Variants in PRICKLE4 observed in about 807,000 individuals in gnomAD.
The protein encoded by PRICKLE4 is prickle-like protein 4.
Under a neutral mutation model 43.5 loss-of-function variants are expected in PRICKLE4, and 40 were observed. The observed-to-expected ratio is 0.92, with a 90% CI of 0.71 to 1.20. The LOEUF (loss-of-function observed/expected upper bound fraction) is 1.20, where lower values mean the gene tolerates loss of function less well. Among genes scored for constraint, PRICKLE4 ranks in the 50% most tolerant of loss-of-function variants. PRICKLE4 has a pLI of 0.00. For missense variants in PRICKLE4, 527 were observed against 491.2 expected (o/e 1.07, Z -0.69); for synonymous variants, 208 against 197.4 (o/e 1.05, Z -0.45).
chr6:41,782,067 C>G (rs1379861428), intron 2 of PRICKLE4, among the ~76,000 whole-genome samples: 1 of 122,238 alleles, frequency 8.2e-6, no homozygotes, highest in Admixed American at 8.8e-5. Flanking sequence ...TTAATAGTCG[C>G]TTTTTTTTTT....
rs142047686 is a variant in PRICKLE4, at chr6:41,780,904, A to G, written c.-184+78A>G. The stretch of plus-strand genomic sequence containing the variant: ...CCGGGAACCCCAGCGGACTCGGGAA[A>G]CACCGCGTCCCAGCCCCGGAGGCGG... On this transcript the variant is annotated intron_variant, in intron 1 of 7. Transcript: ENST00000458694. The G allele has an allele frequency of 1.3e-3, 211 of 159,356 alleles. 4 individuals carry two copies. The East Asian group carries it at 0.037, about 28-fold the overall frequency. The allele number at this position is 159,356 out of a possible 1,614,324, so 9.9% of individuals were successfully genotyped here.
In PRICKLE4 at chr6:41,780,790, C is replaced by T. The variant is rs980986749; in HGVS notation, c.-220C>T. On this transcript the variant is annotated 5_prime_UTR_variant, in exon 1 of 8. Transcript: ENST00000458694. ...CGGGTGAGGGGCCTGACGGCAGAGT[C>T]GGTCCAGAACTGCCCGGACAGCGAC... 4.2e-5 allele frequency: 11 copies of T among 261,260 alleles called. No individual in the cohort carries two copies. Among genetic ancestry groups the T allele is most frequent in the Non-Finnish European group, 6.1e-5 (8 of 131,818 alleles). The allele number at this position is 261,260 out of a possible 1,614,324, so 16.2% of individuals were successfully genotyped here.
chr6:41,786,631 T>TTGG (rs1554141808), intron 7 of PRICKLE4, 131 bp from the exon 8 acceptor site: 25 of 1,422,228 alleles, frequency 1.8e-5, no homozygotes, highest in Middle Eastern at 1.8e-4. Context: ...GCGAGGACTC[T>TTGG]CGGCGGCGGC....
At position 41,787,289 on chromosome 6, in the gene PRICKLE4, C is replaced by T. The variant is rs564766125; in HGVS notation, c.*160C>T. ...AGTTTGGAGTGCGCCCCCTTCAGTA[C>T]TGCGCGTTCTAAGACTTTTGGCGGA... On this transcript the variant is annotated 3_prime_UTR_variant, in exon 8 of 8. Transcript: ENST00000458694. The T allele has an allele frequency of 4.0e-5, 42 of 1,044,366 alleles. No homozygotes were observed. The African/African-American group carries it at 6.1e-4, about 15-fold the overall frequency. 64.7% of individuals were successfully genotyped at this position (1,044,366 alleles called of 1,614,324 possible).
chr6:41,784,630 C>G (rs1228389325), intron 4 of PRICKLE4, among the ~76,000 whole-genome samples: 2 of 152,156 alleles, frequency 1.3e-5, no homozygotes, highest in African/African-American at 4.8e-5. Context: ...TGAGGAAATG[C>G]AAGAATGGGA....
Position 41,785,348 on chromosome 6 carries a change from G to C in PRICKLE4, c.390G>C (p.Leu130=). 1 of 1,613,994 alleles carries C rather than the reference G, an allele frequency of 6.2e-7. No individual in the cohort carries two copies. The highest frequency in any genetic ancestry group is 8.5e-7 in the Non-Finnish European group (1 of 1,180,006). The part of the protein sequence containing the change: ...EGHTCEKCRE[L]LKPGEYGVFA... ...CTCCCCTCTGACAGTGTAGGGAGCT[G>C]CTGAAGCCAGGGGAGTACGGAGTGT... The change falls in exon 6 of 8, where the codon CTG becomes CTC. Residue 130 remains leucine (L), a synonymous_variant. Transcript: ENST00000458694.
In PRICKLE4 at chr6:41,787,013, G is replaced by A. The variant is rs747190607; in HGVS notation, c.1039G>A (p.Asp347Asn). 1 of 1,613,962 alleles carries A rather than the reference G, an allele frequency of 6.2e-7. No homozygotes were observed. The highest frequency in any genetic ancestry group is 1.3e-5 in the African/African-American group (1 of 74,886). ...TTTCTCCACCTGCTCCTCCTCCTCT[G>A]ACTCGGAACCTGAAGGATTTTTCTT... ...TPFSTCSSSS[D>N]SEPEGFFLGE... The change falls in exon 8 of 8, where the codon GAC becomes AAC. Residue 347 changes from aspartate (D) to asparagine (N), a missense_variant. Coordinates refer to ENST00000458694, the MANE Select transcript of PRICKLE4 (RefSeq NM_013397.6).
In PRICKLE4 at chr6:41,787,200, C is replaced by G; in HGVS notation, c.*71C>G. On this transcript the variant is annotated 3_prime_UTR_variant, in exon 8 of 8. Coordinates refer to ENST00000458694, the MANE Select transcript of PRICKLE4 (RefSeq NM_013397.6). The stretch of plus-strand genomic sequence containing the variant: ...TAAAGCGGGAGAACAAGGCTAGCCT[C>G]CCCCTAACAATCCTAGACTGAGACG... The G allele has an allele frequency of 6.6e-7, 1 of 1,504,800 alleles. No homozygotes were observed. Among genetic ancestry groups the G allele is most frequent in the Non-Finnish European group, 8.8e-7 (1 of 1,135,682 alleles). 93.2% of individuals were successfully genotyped at this position (1,504,800 alleles called of 1,614,324 possible).
At chr6:41,782,065 C>A (rs951370542) in intron 2 of PRICKLE4, among the ~76,000 whole-genome samples, 4 of 141,632 alleles carry the variant, frequency 2.8e-5, no homozygotes, top group African/African-American at 1.0e-4. Context: ...CATTAATAGT[C>A]GCTTTTTTTT....
chr6:41,782,066 G>A (rs1242052944), intron 2 of PRICKLE4, among the ~76,000 whole-genome samples: 4 of 136,420 alleles, frequency 2.9e-5, no homozygotes, highest in Non-Finnish European at 6.3e-5. Flanking sequence ...ATTAATAGTC[G>A]CTTTTTTTTT....
Position 41,786,695 on chromosome 6 carries a change from C to G in PRICKLE4, c.788-67C>G, listed in dbSNP as rs201691146. Reference sequence around the variant, plus strand: ...GGGGCGGGAGGCTGGGCCTCACCCCCACTAGCTGCGGTGTAGGTCCAGCTC... The same window carrying G: ...GGGGCGGGAGGCTGGGCCTCACCCCGACTAGCTGCGGTGTAGGTCCAGCTC... On this transcript the variant is annotated intron_variant, in intron 7 of 7. Transcript: ENST00000458694. 1.6e-3 allele frequency: 2,532 copies of G among 1,607,494 alleles called. 14 individuals are homozygous for G. The African/African-American group carries it at 0.019, about 12-fold the overall frequency.
At chr6:41,784,322 A>T in intron 4 of PRICKLE4, 84 bp downstream of exon 4, 5 of 1,135,762 alleles carry the variant, frequency 4.4e-6, no homozygotes, top group Non-Finnish European at 6.2e-6. Flanking sequence ...TCAGTCCAGA[A>T]GTTAGGGGAT....
In PRICKLE4 at chr6:41,787,218, C is replaced by T. The variant is rs943230290; in HGVS notation, c.*89C>T. The T allele has an allele frequency of 1.2e-5, 17 of 1,470,988 alleles. No individual in the cohort carries two copies. The highest frequency in any genetic ancestry group is 1.5e-5 in the Non-Finnish European group (17 of 1,116,830). The allele number at this position is 1,470,988 out of a possible 1,614,324, so 91.1% of individuals were successfully genotyped here. A position where few individuals can be genotyped will look rare whatever the true frequency, so the allele number is the denominator to read the frequency against. ...CTAGCCTCCCCCTAACAATCCTAGA[C>T]TGAGACGCAGTCAGGCGCACGCCCG... On this transcript the variant is annotated 3_prime_UTR_variant, in exon 8 of 8. Transcript: ENST00000458694.
At chr6:41,786,507 C>A in intron 7 of PRICKLE4, 175 bp downstream of exon 7, 1 of 1,041,214 alleles carries the variant, frequency 9.6e-7, no homozygotes, top group Non-Finnish European at 1.4e-6. Flanking sequence ...CATCCCTGGC[C>A]GGAGCGTTCC....
chr6:41,785,464 T>C lies in PRICKLE4; in HGVS notation c.506T>C (p.Phe169Ser), dbSNP rs1772626357. The part of the protein sequence containing the change: ...CGQALINLIY[F>S]YHDGQLYCGR... ...CAGGCCCTGATAAACCTCATCTACT[T>C]CTACCATGATGGACAACTCTACTGC... Residue 169 changes from phenylalanine (F) to serine (S), a missense_variant, in exon 6 of 8, where the codon TTC (phenylalanine) becomes TCC (serine). Physicochemically the swap from Phe to Ser is radical, Grantham distance 155. Coordinates refer to ENST00000458694, the MANE Select transcript of PRICKLE4 (RefSeq NM_013397.6). 5 of 1,613,990 alleles carry C rather than the reference T, an allele frequency of 3.1e-6. No individual in the cohort carries two copies. Among genetic ancestry groups the C allele is most frequent in the Non-Finnish European group, 4.2e-6 (5 of 1,180,042 alleles).
rs754310817 is a variant in PRICKLE4, at chr6:41,784,911, A to T, written c.241-24A>T. On this transcript the variant is annotated intron_variant, in intron 4 of 7. Transcript: ENST00000458694. ...TGTTTTCTGCTGGAGCTCTCCCAGT[A>T]ATTGTAGAGGACTGTTTCTGCAGGA... The T allele has an allele frequency of 1.9e-6, 3 of 1,611,702 alleles. No homozygotes were observed. The East Asian group carries it at 6.7e-5, about 36-fold the overall frequency.
chr6:41,787,219 T>G lies in PRICKLE4; in HGVS notation c.*90T>G. On this transcript the variant is annotated 3_prime_UTR_variant, in exon 8 of 8. Coordinates refer to ENST00000458694, the MANE Select transcript of PRICKLE4 (RefSeq NM_013397.6). The stretch of plus-strand genomic sequence containing the variant: ...TAGCCTCCCCCTAACAATCCTAGAC[T>G]GAGACGCAGTCAGGCGCACGCCCGC... The G allele has an allele frequency of 6.8e-7, 1 of 1,464,672 alleles. No homozygotes were observed. The highest frequency in any genetic ancestry group is 9.0e-7 in the Non-Finnish European group (1 of 1,113,186). 90.7% of individuals were successfully genotyped at this position (1,464,672 alleles called of 1,614,324 possible). A position where few individuals can be genotyped will look rare whatever the true frequency, so the allele number is the denominator to read the frequency against.
chr6:41,787,118 A>C lies in PRICKLE4; in HGVS notation c.1144A>C (p.Thr382Pro). 1 of 1,604,052 alleles carries C rather than the reference A, an allele frequency of 6.2e-7. No homozygotes were observed. Among genetic ancestry groups the C allele is most frequent in the East Asian group, 2.2e-5 (1 of 44,806 alleles). The change falls in exon 8 of 8, where the codon ACC becomes CCC. Residue 382 changes from threonine (T) to proline (P), a missense_variant. Thr to Pro is a conservative substitution (Grantham distance 38, BLOSUM62 -1). Transcript: ENST00000458694. ...EDSNASKTHCTMC is the reference protein window; with the variant it reads ...EDSNASKTHCPMC ...CAGCAACGCCTCTAAGACGCACTGC[A>C]CCATGTGCTAGTGGCGCAGCTCAGA...
intron 6 of PRICKLE4, 126 bp from the exon 7 acceptor site, chr6:41,786,002 G>T: frequency 9.4e-7 from 1 of 1,064,642 alleles, no homozygotes; most frequent in Non-Finnish European, 1.4e-6. Context: ...AAAAGTGGCT[G>T]AGTGAATTAA....
Sources: allele counts gnomAD v4.1 joint callset (sites outside exome capture counted in the v4.1 genomes callset), GRCh38; gene constraint gnomAD v4.1.1; transcripts MANE v1.5; gene names NCBI Gene and HGNC (gene_info 2026-07-23, HGNC 2026-07-21).